PTPRU: variants seen among roughly 807,000 people sequenced by gnomAD.
The protein encoded by PTPRU is protein tyrosine phosphatase receptor type U, also known as receptor-type tyrosine-protein phosphatase U.
PTPRU carries 69 observed loss-of-function variants against 166.3 expected under a neutral mutation model. That is an observed-to-expected ratio of 0.41 (90% CI 0.34 to 0.51). The LOEUF is 0.51. Ranked by LOEUF, PTPRU falls within the 20% of genes least tolerant of loss-of-function variation. The pLI, the probability that PTPRU is intolerant of heterozygous loss-of-function variation, is 0.09. For synonymous variants in PTPRU, 793 were observed against 814.0 expected (o/e 0.97, Z 0.44); for missense variants, 1,657 against 2,013.7 (o/e 0.82, Z 3.39).
intron 7 of PTPRU, among the ~76,000 whole-genome samples, chr1:29,264,714 C>T (rs955665409): frequency 4.6e-5 from 7 of 152,190 alleles, no homozygotes; most frequent in East Asian, 1.9e-4. Context: ...CCATGTTGGC[C>T]GGGCTGGTCT....
intron 14 of PTPRU, among the ~76,000 whole-genome samples, chr1:29,286,281 C>T (rs1210818575): frequency 2.0e-5 from 3 of 152,190 alleles, no homozygotes; most frequent in African/African-American, 7.2e-5. Context: ...TGAGGGATTA[C>T]TATGTGCCAG....
At position 29,323,894 on chromosome 1, in the gene PTPRU, G is replaced by A. The variant is rs1324859272; in HGVS notation, c.4112+106G>A. ...TTGGCTGGACTGCAAAGCTGGCACC[G>A]AAACCCCTGGGCTCTTAGATGGCTG... On this transcript the variant is annotated intron_variant, in intron 28 of 29. Coordinates refer to ENST00000373779, the MANE Select transcript of PTPRU (RefSeq NM_133178.4). The A allele has an allele frequency of 3.8e-5, 51 of 1,347,468 alleles. No homozygotes were observed. In the East Asian group the frequency reaches 5.7e-4, roughly 15 times the overall value. 83.5% of individuals were successfully genotyped at this position (1,347,468 alleles called of 1,614,324 possible).
intron 7 of PTPRU, among the ~76,000 whole-genome samples, chr1:29,268,886 G>C (rs1685417185): frequency 1.3e-5 from 2 of 152,174 alleles, no homozygotes; most frequent in South Asian, 4.1e-4. Flanking sequence ...CAGGTTTCAT[G>C]ATGACGGCTG....
At position 29,317,871 on chromosome 1, in the gene PTPRU, A is replaced by G. The variant is rs1490921022; in HGVS notation, c.3637A>G (p.Ile1213Val). 1 of 1,613,920 alleles carries G rather than the reference A, an allele frequency of 6.2e-7. No homozygotes were observed. Among genetic ancestry groups the G allele is most frequent in the Non-Finnish European group, 8.5e-7 (1 of 1,180,026 alleles). ...GCCCGACCGCTGCCTGCCCTTCCTC[A>G]TCTCCACTGATGGGGACTCCAACAA... ...LPPDRCLPFL[I>V]STDGDSNNYI... Residue 1213 changes from isoleucine to valine, a missense_variant, in exon 25 of 30, where the codon ATC (isoleucine) becomes GTC (valine). Physicochemically the swap from Ile to Val is conservative, Grantham distance 29 (BLOSUM62 3). This residue lies in a region of PTPRU where 1,190 missense variants were observed against 1,477.4 expected (regional missense o/e 0.81). Transcript: ENST00000373779. The surrounding 1 kb of genome is among the most constrained non-coding windows in gnomAD (Gnocchi z 5.6).
At chr1:29,310,188 C>G (rs1398101760) in intron 18 of PTPRU, among the ~76,000 whole-genome samples, 2 of 152,170 alleles carry the variant, frequency 1.3e-5, no homozygotes, top group African/African-American at 4.8e-5. Context: ...TATCCAAGGG[C>G]CATGAGTAAT....
chr1:29,323,783 C>T lies in PTPRU; in HGVS notation c.4107C>T (p.His1369=). 1 of 1,614,048 alleles carries T rather than the reference C, an allele frequency of 6.2e-7. No individual in the cohort carries two copies. The highest frequency in any genetic ancestry group is 8.5e-7 in the Non-Finnish European group (1 of 1,179,940). ...GTGGGGATGGGCGCACCATCGTGCA[C>T]TGCCTGTGAGTACCTGCCCTGTGGG... is the stretch of plus-strand genomic sequence containing the variant. ...AESGDGRTIV[H]CLNGGGRSGT... Residue 1369 remains histidine, a synonymous_variant, in exon 28 of 30, where the codon CAC becomes CAT. Transcript: ENST00000373779.
At chr1:29,264,173 CAA>C (rs145542565) in intron 7 of PTPRU, among the ~76,000 whole-genome samples, 61 of 146,022 alleles carry the variant, frequency 4.2e-4, no homozygotes, top group East Asian at 1.2e-3. Flanking sequence ...GATTCTGTCT[CAA>C]AAAAAAAAAA....
chr1:29,283,702 G>A (rs1686208857), intron 12 of PTPRU: 2 of 535,306 alleles, frequency 3.7e-6, no homozygotes. Flanking sequence ...TCCCCAAGAC[G>A]TTTGTTTCTC....
At chr1:29,269,951 A>G (rs1400495937) in intron 7 of PTPRU, among the ~76,000 whole-genome samples, 1 of 152,114 alleles carries the variant, frequency 6.6e-6, no homozygotes, top group African/African-American at 2.4e-5. Context: ...AGTCCATTGA[A>G]TGTCCCCATT....
rs1322664537 is a variant in PTPRU at position 29,310,763 on chromosome 1, A to G, written c.2840A>G (p.His947Arg). The part of the protein sequence containing the change: ...NYIDGYHRSN[H>R]FIATQGPKPE... The stretch of plus-strand genomic sequence containing the variant: ...TTCCAGGGTTACCACAGGTCAAACC[A>G]CTTCATAGCCACTCAAGGTACCTGG... Residue 947 changes from histidine to arginine, a missense_variant, in exon 19 of 30, where the codon CAC (histidine) becomes CGC (arginine). Coordinates refer to ENST00000373779, the MANE Select transcript of PTPRU (RefSeq NM_133178.4). The G allele has an allele frequency of 6.2e-7, 1 of 1,613,930 alleles. No homozygotes were observed.
intron 18 of PTPRU, among the ~76,000 whole-genome samples, chr1:29,309,401 T>C (rs1348640473): frequency 1.3e-5 from 2 of 152,336 alleles, no homozygotes; most frequent in South Asian, 2.1e-4. Flanking sequence ...GGCATAGCTG[T>C]GGCAGGGACC....
In PTPRU at chr1:29,237,863, G is replaced by A. The variant is rs1683847651; in HGVS notation, c.73+1146G>A. On this transcript the variant is annotated intron_variant, in intron 1 of 29. Transcript: ENST00000373779. This position sits in a 1 kb window ranked among gnomAD's most constrained non-coding sequence, Gnocchi z 6.4. ...CTCCTGCGGTGGCCGGGCCGCGGCT[G>A]CGCCCCGGGCGGCCGGGCGGGGGCT... Among the ~76,000 whole-genome samples, 1 of 146,314 alleles carries A rather than the reference G, an allele frequency of 6.8e-6. No individual in the cohort carries two copies. Among genetic ancestry groups the A allele is most frequent in the East Asian group, 2.0e-4 (1 of 5,056 alleles).
At chr1:29,304,158 CTGACAGTTTCCAACTCAACCTTTT>C in intron 16 of PTPRU, 113 bp downstream of exon 16, 1 of 1,246,108 alleles carries the variant, frequency 8.0e-7, no homozygotes, top group South Asian at 1.7e-5. Context: ...GACGCCTGCT[CTGACAGTTTCCAACTCAACCTTTT>C]TGACCTCGAC....
chr1:29,316,189 G>A, intron 24 of PTPRU, 38 bp downstream of exon 24: 1 of 1,592,534 alleles, frequency 6.3e-7, no homozygotes. Flanking sequence ...GTGTGTGTGT[G>A]TGTCTGTGTG....
rs975911970 is a variant in PTPRU, at chr1:29,260,406, G to A, written c.851-204G>A. ...GAGGGGTTGTGGGCTGATGGGCGAG[G>A]GCGGGGTCAGCCTTTGGAGCCAGGT... is the stretch of plus-strand genomic sequence containing the variant. On this transcript the variant is annotated intron_variant, in intron 6 of 29. Transcript: ENST00000373779. This position sits in a 1 kb window ranked among gnomAD's most constrained non-coding sequence, Gnocchi z 8.3. 2.0e-6 allele frequency: 1 copy of A among 499,774 alleles called. No homozygotes were observed. The highest frequency in any genetic ancestry group is 3.4e-6 in the Non-Finnish European group (1 of 292,334). 31.0% of individuals were successfully genotyped at this position (499,774 alleles called of 1,614,324 possible).
chr1:29,258,541 C>G lies in PTPRU; in HGVS notation c.242C>G (p.Pro81Arg). 1 of 1,614,184 alleles carries G rather than the reference C, an allele frequency of 6.2e-7. No individual in the cohort carries two copies. The highest frequency in any genetic ancestry group is 8.5e-7 in the Non-Finnish European group (1 of 1,180,008). The part of the protein sequence containing the change: ...YLMVNTSQHA[P>R]GQRAHVIFQS... ...ATGGTCAACACTTCCCAGCATGCCC[C>G]AGGCCAGCGAGCCCATGTCATCTTC... Residue 81 changes from proline (P) to arginine (R), a missense_variant, in exon 3 of 30, where the codon CCA (proline) becomes CGA (arginine). By Grantham distance (103) the Pro-to-Arg change is moderately radical. This residue lies in a region of PTPRU where 453 missense variants were observed against 496.9 expected (regional missense o/e 0.91). Coordinates refer to ENST00000373779, the MANE Select transcript of PTPRU (RefSeq NM_133178.4).
At position 29,280,519 on chromosome 1, in the gene PTPRU, C is replaced by G. The variant is rs918726615; in HGVS notation, c.1868+378C>G. ...TGGGCTTTCTAGAAGGCTGGGGCAGCCAGCCAGATAGGGCCATCTCTCTGG... is the reference window on the plus strand; with the variant it reads ...TGGGCTTTCTAGAAGGCTGGGGCAGGCAGCCAGATAGGGCCATCTCTCTGG... On this transcript the variant is annotated intron_variant, in intron 11 of 29. Coordinates refer to ENST00000373779, the MANE Select transcript of PTPRU (RefSeq NM_133178.4). The surrounding 1 kb of genome is among the most constrained non-coding windows in gnomAD (Gnocchi z 4.2). 6.6e-6 allele frequency among the ~76,000 whole-genome samples: 1 copy of G among 152,206 alleles called. No individual in the cohort carries two copies. Among genetic ancestry groups the G allele is most frequent in the African/African-American group, 2.4e-5 (1 of 41,454 alleles).
chr1:29,267,016 G>A (rs762043611), intron 7 of PTPRU, among the ~76,000 whole-genome samples: 1 of 152,182 alleles, frequency 6.6e-6, no homozygotes, highest in Admixed American at 6.5e-5. Context: ...CTTGAGGCAA[G>A]GAGTTTGAGA....
chr1:29,290,651 A>G (rs1234264096), intron 14 of PTPRU, among the ~76,000 whole-genome samples: 1 of 152,200 alleles, frequency 6.6e-6, no homozygotes, highest in Non-Finnish European at 1.5e-5. Flanking sequence ...CTTTTCCAAC[A>G]ACTCAACACC....
Sources: gnomAD v4.1 joint callset for allele counts (sites outside exome capture counted in the v4.1 genomes callset) on GRCh38, gnomAD v4.1.1 for gene constraint, gnomAD v4.1.1 regional missense constraint, Gnocchi (gnomAD v3.1) non-coding constraint, MANE v1.5 for transcripts, NCBI Gene and HGNC (gene_info 2026-07-23, HGNC 2026-07-21) for gene names.